COL9A3: variants seen among roughly 807,000 people sequenced by gnomAD.
COL9A3 encodes the protein collagen alpha-3(IX) chain.
COL9A3 carries 82 observed loss-of-function variants against 110.2 expected under a neutral mutation model. That is an observed-to-expected ratio of 0.74 (90% CI 0.62 to 0.89). COL9A3 has a LOEUF of 0.89. COL9A3 is among the 40% of genes least tolerant of loss of function. The pLI, the probability that COL9A3 is intolerant of heterozygous loss-of-function variation, is 0.00. For synonymous variants in COL9A3, 494 were observed against 403.8 expected, an observed-to-expected ratio of 1.22 and a Z score of -2.68; for missense variants, 1,066 against 981.3, an observed-to-expected ratio of 1.09 and a Z score of -1.15.
Position 62,836,237 on chromosome 20 carries a change from C to T in COL9A3, c.1452C>T (p.Gly484=), listed in dbSNP as rs752371653. Reference sequence around the variant, plus strand: ...CCAAAGGCACCCAGGGTCCCAACGGCACCAGCGGTGTTCAGGGTGTCCCCG... The same window carrying T: ...CCAAAGGCACCCAGGGTCCCAACGGTACCAGCGGTGTTCAGGGTGTCCCCG... ...LGPKGTQGPN[G]TSGVQGVPGP... The change falls in exon 28 of 32, where the codon GGC becomes GGT. Residue 484 remains glycine, a synonymous_variant. Transcript: ENST00000649368. 1.2e-6 allele frequency: 2 copies of T among 1,613,734 alleles called. No homozygotes were observed.
At chr20:62,821,719 G>A (rs759339153) in intron 7 of COL9A3, 38 bp from the exon 8 acceptor site, 20 of 1,591,616 alleles carry the variant, frequency 1.3e-5, no homozygotes, top group Non-Finnish European at 1.5e-5. Flanking sequence ...CGGGGCTTCC[G>A]GGTGCAGACC....
intron 17 of COL9A3, 141 bp downstream of exon 17, chr20:62,828,117 C>T (rs2063569122): frequency 4.8e-6 from 4 of 836,000 alleles, no homozygotes; most frequent in Admixed American, 2.0e-5. Context: ...GGAACAGCCC[C>T]GCAGCCCCAC....
chr20:62,826,386 C>A, intron 14 of COL9A3, 129 bp downstream of exon 14: 1 of 882,812 alleles, frequency 1.1e-6, no homozygotes, highest in Non-Finnish European at 1.7e-6. Flanking sequence ...TGGCCATCGC[C>A]ACTGTGGCGC....
Position 62,836,232 on chromosome 20 carries a change from A to G in COL9A3, c.1447A>G (p.Asn483Asp), listed in dbSNP as rs2063634142. 1 of 1,613,690 alleles carries G rather than the reference A, an allele frequency of 6.2e-7. No homozygotes were observed. The highest frequency in any genetic ancestry group is 8.5e-7 in the Non-Finnish European group (1 of 1,179,972). ...GGGCCCCAAAGGCACCCAGGGTCCC[A>G]ACGGCACCAGCGGTGTTCAGGGTGT... ...ELGPKGTQGPNGTSGVQGVPG... is the reference protein window; with the variant it reads ...ELGPKGTQGPDGTSGVQGVPG... The change falls in exon 28 of 32, where the codon AAC (asparagine) becomes GAC (aspartate). Residue 483 changes from asparagine (N) to aspartate (D), a missense_variant. Physicochemically the swap from Asn to Asp is conservative, Grantham distance 23 (BLOSUM62 1). Transcript: ENST00000649368.
In COL9A3 at chr20:62,829,676, G is replaced by T. The variant is rs531144768; in HGVS notation, c.1102G>T (p.Val368Phe). The change falls in exon 21 of 32, where the codon GTC (valine) becomes TTC (phenylalanine). Residue 368 changes from valine to phenylalanine, a missense_variant. By Grantham distance (50) the Val-to-Phe change is conservative. Coordinates refer to ENST00000649368, the MANE Select transcript of COL9A3 (RefSeq NM_001853.4). Reference sequence around the variant, plus strand: ...GGCCGGCCCCTCTGGAGAGCCAGGCGTCCCTGTGAGTATCTGCGGCGCCCC... The same window carrying T: ...GGCCGGCCCCTCTGGAGAGCCAGGCTTCCCTGTGAGTATCTGCGGCGCCCC... ...GEAGPSGEPG[V>F]PGDAGMPGER... 6.2e-7 allele frequency: 1 copy of T among 1,608,894 alleles called. No homozygotes were observed. Among genetic ancestry groups the T allele is most frequent in the East Asian group, 2.2e-5 (1 of 44,702 alleles).
intron 29 of COL9A3, 41 bp from the exon 30 acceptor site, chr20:62,837,042 T>C (rs367925298): frequency 6.2e-7 from 1 of 1,606,682 alleles, no homozygotes; most frequent in East Asian, 2.2e-5. Flanking sequence ...CTTCTGATGA[T>C]CCTCTCTCGA....
At chr20:62,837,396 G>A (rs1385834558) in intron 30 of COL9A3, 131 bp downstream of exon 30, 2 of 927,266 alleles carry the variant, frequency 2.2e-6, no homozygotes, top group African/African-American at 1.6e-5. Context: ...GGCCTCTCAT[G>A]TTTTGGGGCC....
rs1456953182 is a variant in COL9A3, at chr20:62,818,542, C to T, written c.172C>T (p.Pro58Ser). The change falls in exon 3 of 32, where the codon CCT becomes TCT. Residue 58 changes from proline (P) to serine (S), a missense_variant. Coordinates refer to ENST00000649368, the MANE Select transcript of COL9A3 (RefSeq NM_001853.4). Reference protein sequence around the residue: ...IDGEAGPPGLPGPPGPKGAPG... With the variant: ...IDGEAGPPGLSGPPGPKGAPG... Reference sequence around the variant, plus strand: ...GGGAGAAGCTGGTCCTCCAGGTCTGCCTGGGCCCCCGGTGAGTGTCCCTGG... The same window carrying T: ...GGGAGAAGCTGGTCCTCCAGGTCTGTCTGGGCCCCCGGTGAGTGTCCCTGG... The T allele has an allele frequency of 6.2e-7, 1 of 1,613,022 alleles. No individual in the cohort carries two copies. The highest frequency in any genetic ancestry group is 2.2e-5 in the East Asian group (1 of 44,884).
At chr20:62,832,907 C>G in intron 25 of COL9A3, 113 bp from the exon 26 acceptor site, 2 of 1,049,906 alleles carry the variant, frequency 1.9e-6, no homozygotes, top group Admixed American at 1.7e-5. Flanking sequence ...CTTTTGGCCT[C>G]GACCTTAAGA....
intron 27 of COL9A3, 115 bp from the exon 28 acceptor site, chr20:62,836,072 C>T (rs1340018773): frequency 1.2e-6 from 2 of 1,605,436 alleles, no homozygotes; most frequent in Non-Finnish European, 1.7e-6. Context: ...TGTAAAAAAG[C>T]TTGCTCTGGT....
Position 62,817,477 on chromosome 20 carries a change from C to T in COL9A3, c.79-90C>T, listed in dbSNP as rs1422956108. The T allele has an allele frequency of 3.4e-5, 33 of 962,816 alleles. No homozygotes were observed. The East Asian group carries it at 7.8e-4, about 23-fold the overall frequency. 59.6% of individuals were successfully genotyped at this position (962,816 alleles called of 1,614,324 possible). A position where few individuals can be genotyped will look rare whatever the true frequency, so the allele number is the denominator to read the frequency against. ...CGAGGAGAGCGGCGGTCGTCGCAGG[C>T]CCCGGAGCCGCTCGGGACCCGGGAG... On this transcript the variant is annotated intron_variant, in intron 1 of 31. Coordinates refer to ENST00000649368, the MANE Select transcript of COL9A3 (RefSeq NM_001853.4).
intron 10 of COL9A3, among the ~76,000 whole-genome samples, chr20:62,823,470 C>A (rs1270935729): frequency 6.6e-6 from 1 of 152,170 alleles, no homozygotes; most frequent in African/African-American, 2.4e-5. Context: ...AAAAGCTCGG[C>A]CCACTCTGAC....
At position 62,818,388 on chromosome 20, in the gene COL9A3, G is replaced by A. The variant is rs113832330; in HGVS notation, c.148-130G>A. On this transcript the variant is annotated intron_variant, in intron 2 of 31. Transcript: ENST00000649368. ...CTCTAGGTAGGGATCGGGGGCTCAG[G>A]GGCCCCTTTTGTCTGCTGGGGCTGG... The A allele has an allele frequency of 7.2e-5, 64 of 887,372 alleles. 2 individuals carry two copies. Among genetic ancestry groups the A allele is most frequent in the African/African-American group, 5.4e-4 (33 of 61,098 alleles). The allele number at this position is 887,372 out of a possible 1,614,324, so 55.0% of individuals were successfully genotyped here. A position where few individuals can be genotyped will look rare whatever the true frequency, so the allele number is the denominator to read the frequency against.
At position 62,828,962 on chromosome 20, in the gene COL9A3, C is replaced by T; in HGVS notation, c.994C>T (p.Pro332Ser). ...GRNGAPGEKG[P>S]NGLPGLPGRA... ...CAACGGTGCTCCGGGAGAGAAGGGC[C>T]CCAACGGGCTGCCGGTGAGTGCCCG... Residue 332 changes from proline (P) to serine (S), a missense_variant, in exon 19 of 32, where the codon CCC becomes TCC. Physicochemically the swap from Pro to Ser is moderately conservative, Grantham distance 74. Coordinates refer to ENST00000649368, the MANE Select transcript of COL9A3 (RefSeq NM_001853.4). The T allele has an allele frequency of 6.2e-7, 1 of 1,609,294 alleles. No homozygotes were observed. The highest frequency in any genetic ancestry group is 8.5e-7 in the Non-Finnish European group (1 of 1,179,170).
chr20:62,836,456 G>GA, intron 28 of COL9A3, 22 bp from the exon 29 acceptor site: 1 of 1,613,650 alleles, frequency 6.2e-7, no homozygotes, highest in Non-Finnish European at 8.5e-7. Flanking sequence ...CCATGCTGAC[G>GA]AATGTGTGGG....
In COL9A3 at chr20:62,819,297, A is replaced by T; in HGVS notation, c.255+4A>T. Reference sequence around the variant, plus strand: ...GCCGGGACTGCCGGGTGTGGATGTGAGTGCGCCTGCCCCTCCCCGCCATGC... The same window carrying T: ...GCCGGGACTGCCGGGTGTGGATGTGTGTGCGCCTGCCCCTCCCCGCCATGC... On this transcript the variant is annotated splice_donor_region_variant and intron_variant, in intron 4 of 31. Transcript: ENST00000649368. 6.2e-7 allele frequency: 1 copy of T among 1,604,410 alleles called. No individual in the cohort carries two copies. The highest frequency in any genetic ancestry group is 8.5e-7 in the Non-Finnish European group (1 of 1,177,028).
intron 3 of COL9A3, among the ~76,000 whole-genome samples, 189 bp from the exon 4 acceptor site, chr20:62,819,033 G>A (rs1266302191): frequency 6.6e-6 from 1 of 152,242 alleles, no homozygotes; most frequent in Non-Finnish European, 1.5e-5. Flanking sequence ...GGGCCAGCAA[G>A]GTGTGGGCAA....
chr20:62,819,197 A>ATCTC (rs1218171365), intron 3 of COL9A3, 25 bp from the exon 4 acceptor site: 2 of 1,610,502 alleles, frequency 1.2e-6, no homozygotes, highest in Admixed American at 1.7e-5. Flanking sequence ...CCGCCTTCAC[A>ATCTC]TCTCTGCCCT....
At position 62,830,598 on chromosome 20, in the gene COL9A3, C is replaced by T. The variant is rs753887242; in HGVS notation, c.1287+10C>T. 1.9e-6 allele frequency: 3 copies of T among 1,594,490 alleles called. No homozygotes were observed. Among genetic ancestry groups the T allele is most frequent in the Non-Finnish European group, 1.7e-6 (2 of 1,171,900 alleles). On this transcript the variant is annotated intron_variant, in intron 24 of 31. Transcript: ENST00000649368. ...TGACGTGGGCGACCGGGTAAGTGGC[C>T]CTCTCAGCAGGAAGCTCCCCTGCAC... is the stretch of plus-strand genomic sequence containing the variant.
Sources: allele counts gnomAD v4.1 joint callset (sites outside exome capture counted in the v4.1 genomes callset), GRCh38; gene constraint gnomAD v4.1.1; transcripts MANE v1.5; gene names NCBI Gene and HGNC (gene_info 2026-07-23, HGNC 2026-07-21).